Variants in PDE3A observed in about 807,000 individuals in gnomAD.
The protein encoded by PDE3A is cGMP-inhibited 3',5'-cyclic phosphodiesterase 3A.
A neutral mutation model predicts 98.3 loss-of-function variants in PDE3A; 43 were observed. The ratio of observed to expected loss-of-function variants is 0.44; its 90% CI spans 0.34 to 0.56. The LOEUF (loss-of-function observed/expected upper bound fraction) is 0.56. Among genes scored for constraint, PDE3A ranks in the 20% least tolerant of loss-of-function variants. The probability of loss-of-function intolerance (pLI) is 0.01; values close to 1 mark genes in which losing one functional copy is unlikely to be tolerated. For missense variants in PDE3A, 1,427 were observed against 1,440.7 expected (o/e 0.99, Z 0.15); for synonymous variants, 663 against 567.9 (o/e 1.17, Z -2.38).
In PDE3A at chr12:20,683,843, T is replaced by C. The variant is rs953694603; in HGVS notation, c.*3572T>C. 9 of 152,164 alleles carry C rather than the reference T, an allele frequency of 5.9e-5. No individual in the cohort carries two copies. The highest frequency in any genetic ancestry group is 1.7e-4 in the African/African-American group (7 of 41,450). 9.4% of individuals were successfully genotyped at this position (152,164 alleles called of 1,614,324 possible). ...TTGAATACCAGAACAAATCTTTCCG[T>C]TGCAATCCCAGTAAAACGAAAGAAA... On this transcript the variant is annotated 3_prime_UTR_variant, in exon 16 of 16. Transcript: ENST00000359062.
rs1299725436 is a variant in PDE3A, at chr12:20,682,485, A to G, written c.*2214A>G. 1 of 152,216 alleles carries G rather than the reference A, an allele frequency of 6.6e-6. No homozygotes were observed. The highest frequency in any genetic ancestry group is 6.5e-5 in the Admixed American group (1 of 15,282). The allele number at this position is 152,216 out of a possible 1,614,324, so 9.4% of individuals were successfully genotyped here. A position where few individuals can be genotyped will look rare whatever the true frequency, so the allele number is the denominator to read the frequency against. Reference sequence around the variant, plus strand: ...TACGACAAAAAATATACATGGTTTCAAGGCAAATTCTCCAATAAGTTGGAA... The same window carrying G: ...TACGACAAAAAATATACATGGTTTCGAGGCAAATTCTCCAATAAGTTGGAA... On this transcript the variant is annotated 3_prime_UTR_variant, in exon 16 of 16. Coordinates refer to ENST00000359062, the MANE Select transcript of PDE3A (RefSeq NM_000921.5).
At chr12:20,431,594 A>AACAC (rs35221225) in intron 1 of PDE3A, among the ~76,000 whole-genome samples, 8,477 of 146,800 alleles carry the variant, frequency 0.058, 332 homozygotes, top group Non-Finnish European at 0.086. Context: ...TAGTCAGGAA[A>AACAC]ACACACACAC....
chr12:20,606,484 G>C (rs114613160), intron 2 of PDE3A, among the ~76,000 whole-genome samples: 2,311 of 152,122 alleles, frequency 0.015, 77 homozygotes, highest in African/African-American at 0.052. Context: ...AATACCTTTT[G>C]ACCTCCACAC....
Position 20,684,313 on chromosome 12 carries a change from G to A in PDE3A, c.*4042G>A, listed in dbSNP as rs1945890309. The A allele has an allele frequency of 1.3e-5, 2 of 152,008 alleles. No homozygotes were observed. The highest frequency in any genetic ancestry group is 2.1e-4 in the South Asian group (1 of 4,812). The allele number at this position is 152,008 out of a possible 1,614,324, so 9.4% of individuals were successfully genotyped here. A position where few individuals can be genotyped will look rare whatever the true frequency, so the allele number is the denominator to read the frequency against. On this transcript the variant is annotated 3_prime_UTR_variant, in exon 16 of 16. Coordinates refer to ENST00000359062, the MANE Select transcript of PDE3A (RefSeq NM_000921.5). Reference sequence around the variant, plus strand: ...TGTCCTCTTCTGTCATCCTAACCCTGATTCTAGTTTAATGCCTTTCCTGAC... The same window carrying A: ...TGTCCTCTTCTGTCATCCTAACCCTAATTCTAGTTTAATGCCTTTCCTGAC...
intron 2 of PDE3A, among the ~76,000 whole-genome samples, chr12:20,612,015 C>G (rs1201802175): frequency 6.6e-6 from 1 of 151,526 alleles, no homozygotes; most frequent in Non-Finnish European, 1.5e-5. Flanking sequence ...TTCTTTCGAC[C>G]AGATATGTAT....
chr12:20,430,763 C>G (rs925443271), intron 1 of PDE3A, among the ~76,000 whole-genome samples: 11 of 152,120 alleles, frequency 7.2e-5, no homozygotes, highest in African/African-American at 2.7e-4. Flanking sequence ...CCCTTCAGTT[C>G]TCCACTTTTA....
intron 15 of PDE3A, among the ~76,000 whole-genome samples, chr12:20,672,450 A>G (rs1427708566): frequency 1.3e-5 from 2 of 150,214 alleles, no homozygotes; most frequent in Non-Finnish European, 3.0e-5. Context: ...TTCAAACTAT[A>G]CTACAAGGCT....
intron 2 of PDE3A, among the ~76,000 whole-genome samples, chr12:20,583,839 G>GA (rs35255238): frequency 3.9e-5 from 6 of 152,000 alleles, no homozygotes; most frequent in Non-Finnish European, 5.9e-5. Context: ...GAAATAGTAG[G>GA]AAAAAAATCA....
intron 1 of PDE3A, among the ~76,000 whole-genome samples, chr12:20,379,667 C>A (rs967667687): frequency 4.0e-5 from 6 of 151,706 alleles, no homozygotes; most frequent in Non-Finnish European, 8.8e-5. Context: ...ATATTTATCT[C>A]CCCATTCTCC....
At chr12:20,677,782 G>A (rs895617324) in intron 15 of PDE3A, among the ~76,000 whole-genome samples, 1 of 148,312 alleles carries the variant, frequency 6.7e-6, no homozygotes, top group African/African-American at 2.5e-5. Flanking sequence ...TTTCTTGAAG[G>A]TGTATCTATG....
At chr12:20,633,293 G>A (rs1440038864) in intron 6 of PDE3A, among the ~76,000 whole-genome samples, 1 of 152,038 alleles carries the variant, frequency 6.6e-6, no homozygotes, top group Non-Finnish European at 1.5e-5. Context: ...CCGACAGAAA[G>A]GTATTTATTG....
intron 1 of PDE3A, among the ~76,000 whole-genome samples, chr12:20,502,056 T>C (rs1394190307): frequency 6.6e-6 from 1 of 152,180 alleles, no homozygotes; most frequent in Non-Finnish European, 1.5e-5. Flanking sequence ...GTAATATTAA[T>C]CCAAAAGATA....
At chr12:20,661,648 G>T (rs970001488) in intron 15 of PDE3A, among the ~76,000 whole-genome samples, 5 of 152,194 alleles carry the variant, frequency 3.3e-5, no homozygotes, top group Admixed American at 2.0e-4. Context: ...TGCTTGAGAG[G>T]GTGGACGCCT....
intron 1 of PDE3A, among the ~76,000 whole-genome samples, chr12:20,506,855 C>T (rs1015346578): frequency 6.6e-6 from 1 of 151,806 alleles, no homozygotes; most frequent in Non-Finnish European, 1.5e-5. Flanking sequence ...CTTAATGTTT[C>T]ATATATGTAC....
intron 1 of PDE3A, among the ~76,000 whole-genome samples, chr12:20,407,602 A>G (rs890480417): frequency 1.3e-5 from 2 of 152,152 alleles, no homozygotes; most frequent in Non-Finnish European, 2.9e-5. Flanking sequence ...ATTAGATTGG[A>G]TTAGATGGGG....
intron 15 of PDE3A, among the ~76,000 whole-genome samples, chr12:20,655,490 G>C (rs1413827350): frequency 6.6e-6 from 1 of 152,176 alleles, no homozygotes; most frequent in Non-Finnish European, 1.5e-5. Context: ...TGGGTTCTTA[G>C]TTGCTGTTTC....
At chr12:20,587,342 C>T (rs1318484772) in intron 2 of PDE3A, among the ~76,000 whole-genome samples, 1 of 151,966 alleles carries the variant, frequency 6.6e-6, no homozygotes, top group Non-Finnish European at 1.5e-5. Context: ...GCACTCCAGC[C>T]TGGGCGACAG....
chr12:20,537,748 C>T (rs1042194046), intron 1 of PDE3A, among the ~76,000 whole-genome samples: 1 of 151,634 alleles, frequency 6.6e-6, no homozygotes, highest in African/African-American at 2.4e-5. Context: ...CCTGAAACAG[C>T]TATTAAACCC....
At chr12:20,650,690 C>T (rs1944896609) in intron 14 of PDE3A, 90 bp downstream of exon 14, 1 of 720,870 alleles carries the variant, frequency 1.4e-6, no homozygotes, top group Non-Finnish European at 2.2e-6. Context: ...AAAGTATGAT[C>T]ACTCTATTTT....
Sources: allele counts gnomAD v4.1 joint callset (sites outside exome capture counted in the v4.1 genomes callset), GRCh38; gene constraint gnomAD v4.1.1; transcripts MANE v1.5; gene names NCBI Gene and HGNC (gene_info 2026-07-23, HGNC 2026-07-21).